Variants in MALRD1 observed in about 807,000 individuals in gnomAD.
The protein encoded by MALRD1 is MAM and LDL-receptor class A domain-containing protein 1.
Under a neutral mutation model 242.1 loss-of-function variants are expected in MALRD1, and 247 were observed. The ratio of observed to expected loss-of-function variants is 1.02; its 90% CI spans 0.92 to 1.13. MALRD1 has a LOEUF of 1.13. Ranked by LOEUF, MALRD1 falls within the 50% of genes most tolerant of loss-of-function variation. The pLI is 0.00. For missense variants in MALRD1, 2,989 were observed against 2,533.1 expected, an observed-to-expected ratio of 1.18 and a Z score of -3.86; for synonymous variants, 995 against 866.6, an observed-to-expected ratio of 1.15 and a Z score of -2.60.
chr10:19,429,842 C>A (rs1344286179), intron 28 of MALRD1, among the ~76,000 whole-genome samples: 2 of 152,100 alleles, frequency 1.3e-5, no homozygotes, highest in African/African-American at 4.8e-5. Flanking sequence ...CAAGGCCATG[C>A]CTACTCTCAG....
intron 23 of MALRD1, among the ~76,000 whole-genome samples, chr10:19,329,729 A>G (rs1162521676): frequency 6.6e-6 from 1 of 152,206 alleles, no homozygotes; most frequent in African/African-American, 2.4e-5. Flanking sequence ...CAAATTTTAG[A>G]AAATAATTAA....
chr10:19,460,753 T>G (rs1835899129), intron 29 of MALRD1, among the ~76,000 whole-genome samples: 1 of 152,154 alleles, frequency 6.6e-6, no homozygotes, highest in Admixed American at 6.6e-5. Context: ...TGTTTAAGGC[T>G]GTTGAATTTT....
intron 32 of MALRD1, among the ~76,000 whole-genome samples, chr10:19,564,166 T>C (rs923809786): frequency 5.9e-5 from 9 of 152,178 alleles, no homozygotes; most frequent in Non-Finnish European, 1.2e-4. Flanking sequence ...ATACACCATC[T>C]ATTCTGGAAC....
At chr10:19,404,889 A>T (rs1021492483) in intron 28 of MALRD1, among the ~76,000 whole-genome samples, 1 of 152,140 alleles carries the variant, frequency 6.6e-6, no homozygotes, top group Non-Finnish European at 1.5e-5. Flanking sequence ...GAGCTCTGAA[A>T]ATATACGAAA....
intron 19 of MALRD1, among the ~76,000 whole-genome samples, chr10:19,264,584 G>T (rs1045795208): frequency 3.3e-5 from 5 of 151,508 alleles, no homozygotes; most frequent in African/African-American, 1.2e-4. Flanking sequence ...CTCCCAAGTA[G>T]CTGGGAGTAC....
chr10:19,134,851 A>G (rs553755513), intron 9 of MALRD1, among the ~76,000 whole-genome samples: 4 of 152,176 alleles, frequency 2.6e-5, no homozygotes, highest in Non-Finnish European at 5.9e-5. Context: ...ATGTAATGTA[A>G]TTAGCTGTTC....
chr10:19,476,269 C>T (rs1836725298), intron 29 of MALRD1, among the ~76,000 whole-genome samples: 1 of 152,130 alleles, frequency 6.6e-6, no homozygotes, highest in Non-Finnish European at 1.5e-5. Flanking sequence ...TTTAGTACAG[C>T]ATTCAGTCCC....
In MALRD1 at chr10:19,531,197, G is replaced by A. The variant is rs746849684; in HGVS notation, c.5324G>A (p.Ser1775Asn). Reference sequence around the variant, plus strand: ...AATTTTGTTAATCTATTTCAAGGTAGTGGTCAGCACTTCCTGTACGTCAAC... The same window carrying A: ...AATTTTGTTAATCTATTTCAAGGTAATGGTCAGCACTTCCTGTACGTCAAC... ...LIPDSDHTPGSGQHFLYVNSS... is the reference protein window; with the variant it reads ...LIPDSDHTPGNGQHFLYVNSS... The change falls in exon 32 of 40, where the codon AGT becomes AAT. Residue 1775 changes from serine to asparagine, a missense_variant. By Grantham distance (46) the Ser-to-Asn change is conservative. Coordinates refer to ENST00000454679, the MANE Select transcript of MALRD1 (RefSeq NM_001142308.3). 13 of 1,545,020 alleles carry A rather than the reference G, an allele frequency of 8.4e-6. No individual in the cohort carries two copies. In the South Asian group the frequency reaches 1.3e-4, roughly 16 times the overall value.
chr10:19,512,373 A>G (rs1833444021), intron 31 of MALRD1, among the ~76,000 whole-genome samples: 1 of 152,204 alleles, frequency 6.6e-6, no homozygotes, highest in African/African-American at 2.4e-5. Context: ...GGGAGAATAG[A>G]TATTATTGCC....
intron 38 of MALRD1, chr10:19,728,694 C>T (rs983491748): frequency 8.5e-5 from 13 of 152,096 alleles, no homozygotes; most frequent in Non-Finnish European, 1.6e-4. Flanking sequence ...TTACTTAGTT[C>T]CTAATTTCTA....
intron 19 of MALRD1, among the ~76,000 whole-genome samples, chr10:19,277,189 G>T (rs944615240): frequency 2.6e-5 from 4 of 152,130 alleles, no homozygotes; most frequent in African/African-American, 7.2e-5. Context: ...GCCTCCCAAA[G>T]TGCTGGGATT....
intron 33 of MALRD1, among the ~76,000 whole-genome samples, chr10:19,584,087 T>C (rs1212346580): frequency 6.6e-6 from 1 of 150,866 alleles, no homozygotes; most frequent in East Asian, 1.9e-4. Flanking sequence ...TTATCATTTT[T>C]TATTGCGTCT....
chr10:19,173,543 G>A (rs564169739), intron 13 of MALRD1, among the ~76,000 whole-genome samples: 1 of 152,170 alleles, frequency 6.6e-6, no homozygotes, highest in South Asian at 2.1e-4. Context: ...CAGTTGAGCT[G>A]TACCAACTCA....
intron 13 of MALRD1, among the ~76,000 whole-genome samples, chr10:19,166,154 C>T (rs187846375): frequency 7.2e-4 from 110 of 152,278 alleles, no homozygotes; most frequent in Non-Finnish European, 6.5e-4. Flanking sequence ...AGAAGAGTAA[C>T]TTAAAATCAT....
chr10:19,294,668 T>A (rs1448376738), intron 21 of MALRD1, among the ~76,000 whole-genome samples: 1 of 152,170 alleles, frequency 6.6e-6, no homozygotes, highest in African/African-American at 2.4e-5. Flanking sequence ...TCTTTAAAGA[T>A]ACCCAAGGCA....
chr10:19,694,170 G>A (rs1375668895), intron 38 of MALRD1, among the ~76,000 whole-genome samples: 5 of 152,126 alleles, frequency 3.3e-5, no homozygotes, highest in Non-Finnish European at 7.3e-5. Flanking sequence ...GCATGGGCAA[G>A]GACTTCATGT....
chr10:19,049,757 A>G (rs2131191475), intron 1 of MALRD1, among the ~76,000 whole-genome samples: 1 of 152,328 alleles, frequency 6.6e-6, no homozygotes, highest in Non-Finnish European at 1.5e-5. Flanking sequence ...AGGTCATGAG[A>G]TGAGATAAAG....
chr10:19,153,994 T>C (rs867020110), intron 11 of MALRD1, among the ~76,000 whole-genome samples: 1 of 152,300 alleles, frequency 6.6e-6, no homozygotes, highest in Non-Finnish European at 1.5e-5. Context: ...TACCTAAACC[T>C]GAGCATTTTT....
intron 17 of MALRD1, among the ~76,000 whole-genome samples, chr10:19,206,855 G>A (rs553664119): frequency 3.3e-5 from 5 of 152,152 alleles, no homozygotes; most frequent in South Asian, 2.1e-4. Context: ...TGTCAGAAAC[G>A]CAGCAACTTG....
Sources: allele counts gnomAD v4.1 joint callset (sites outside exome capture counted in the v4.1 genomes callset), GRCh38; gene constraint gnomAD v4.1.1; transcripts MANE v1.5; gene names NCBI Gene and HGNC (gene_info 2026-07-23, HGNC 2026-07-21).